The following FRMD3 variants were observed in gnomAD, a reference collection of about 807,000 sequenced individuals.
FRMD3 encodes FERM domain containing 3.
In FRMD3, 33 loss-of-function variants were observed where a neutral mutation model predicts 70.2. That is an observed-to-expected ratio of 0.47 (90% CI 0.36 to 0.63). FRMD3 has a LOEUF of 0.63. Ranked by LOEUF, FRMD3 falls within the 20% of genes least tolerant of loss-of-function variation. The pLI is 0.00. For synonymous variants in FRMD3, 279 were observed against 255.9 expected (o/e 1.09, Z -0.86); for missense variants, 632 against 711.4 (o/e 0.89, Z 1.27).
intron 13 of FRMD3, among the ~76,000 whole-genome samples, chr9:83,285,745 A>G (rs1441985245): frequency 6.6e-6 from 1 of 152,196 alleles, no homozygotes; most frequent in African/African-American, 2.4e-5. Context: ...AACCTGCTCC[A>G]TTTTGCTTGT....
In FRMD3 at chr9:83,343,245, G is replaced by A. The variant is rs369116502; in HGVS notation, c.417C>T (p.Gly139=). 93 of 1,613,822 alleles carry A rather than the reference G, an allele frequency of 5.8e-5. No individual in the cohort carries two copies. Among genetic ancestry groups the A allele is most frequent in the Middle Eastern group, 1.6e-4 (1 of 6,084 alleles). The change falls in exon 5 of 14, where the codon GGC becomes GGT. Residue 139 remains glycine, a synonymous_variant. Coordinates refer to ENST00000304195, the MANE Select transcript of FRMD3 (RefSeq NM_174938.6). Reference sequence around the variant, plus strand: ...CATCAGAAAAGGAGCACAGCAGGCGGCCATGAAAAATGTCCCTTTTAATCT... The same window carrying A: ...CATCAGAAAAGGAGCACAGCAGGCGACCATGAAAAATGTCCCTTTTAATCT... ...YLQIKRDIFH[G]RLLCSFSDAA... is the part of the protein sequence containing the mutation.
chr9:83,296,965 A>G (rs1834693625), intron 12 of FRMD3, among the ~76,000 whole-genome samples: 1 of 151,902 alleles, frequency 6.6e-6, no homozygotes, highest in African/African-American at 2.4e-5. Context: ...TCAGAATCTG[A>G]TTTTAACAGA....
At chr9:83,391,986 T>A (rs999606319) in intron 1 of FRMD3, among the ~76,000 whole-genome samples, 16 of 152,130 alleles carry the variant, frequency 1.1e-4, no homozygotes, top group African/African-American at 3.9e-4. Flanking sequence ...TTAATTCGCA[T>A]GCACATTGAA....
chr9:83,314,855 A>G (rs1835501690), intron 6 of FRMD3, among the ~76,000 whole-genome samples: 1 of 149,604 alleles, frequency 6.7e-6, no homozygotes, highest in South Asian at 2.1e-4. Flanking sequence ...TCTCTCTCCC[A>G]CTCTCTCTCT....
intron 1 of FRMD3, among the ~76,000 whole-genome samples, chr9:83,393,344 G>A (rs992823759): frequency 1.3e-5 from 2 of 152,158 alleles, no homozygotes; most frequent in Non-Finnish European, 2.9e-5. Context: ...CATGGACTAT[G>A]CCAGAACATG....
At chr9:83,341,805 C>T (rs1003835133) in intron 5 of FRMD3, among the ~76,000 whole-genome samples, 10 of 152,064 alleles carry the variant, frequency 6.6e-5, no homozygotes, top group African/African-American at 1.2e-4. Flanking sequence ...ACACCCATTT[C>T]GGAATTCTCA....
chr9:83,490,790 TCTCTCTCTCACA>T (rs1192043025), intron 1 of FRMD3, among the ~76,000 whole-genome samples: 66 of 122,304 alleles, frequency 5.4e-4, no homozygotes, highest in African/African-American at 2.3e-3. Context: ...TCTCTCTCTC[TCTCTCTCTCACA>T]CACACACACA....
intron 1 of FRMD3, among the ~76,000 whole-genome samples, chr9:83,461,323 T>C (rs920784916): frequency 2.0e-5 from 3 of 151,924 alleles, no homozygotes; most frequent in Non-Finnish European, 4.4e-5. Context: ...AGATAAGAGG[T>C]TCTCCCCTAG....
At chr9:83,340,654 T>A (rs1823723865) in intron 5 of FRMD3, among the ~76,000 whole-genome samples, 1 of 152,234 alleles carries the variant, frequency 6.6e-6, no homozygotes, top group African/African-American at 2.4e-5. Context: ...TCCCAAGGAT[T>A]CTGTGTTTGT....
At chr9:83,325,219 T>C (rs1047895481) in intron 6 of FRMD3, among the ~76,000 whole-genome samples, 2 of 152,242 alleles carry the variant, frequency 1.3e-5, no homozygotes, top group South Asian at 4.1e-4. Flanking sequence ...CAATGTACAC[T>C]ATTCCAGTGA....
rs1825020230 is a variant in FRMD3 at position 83,372,823 on chromosome 9, T to C, written c.295+90A>G. On this transcript the variant is annotated intron_variant, in intron 3 of 13. Coordinates refer to ENST00000304195, the MANE Select transcript of FRMD3 (RefSeq NM_174938.6). ...ACCCCCCAACACCTCTTCAACTCTATTATTCCCCTGGCAGGAGAAAGTTTG... is the reference window on the plus strand; with the variant it reads ...ACCCCCCAACACCTCTTCAACTCTACTATTCCCCTGGCAGGAGAAAGTTTG... 3 of 1,183,958 alleles carry C rather than the reference T, an allele frequency of 2.5e-6. No individual in the cohort carries two copies. In the Admixed American group the frequency reaches 5.1e-5, roughly 20 times the overall value. The allele number at this position is 1,183,958 out of a possible 1,614,324, so 73.3% of individuals were successfully genotyped here.
At chr9:83,415,315 C>T (rs1218798496) in intron 1 of FRMD3, among the ~76,000 whole-genome samples, 2 of 152,044 alleles carry the variant, frequency 1.3e-5, no homozygotes, top group Non-Finnish European at 2.9e-5. Flanking sequence ...TCTGGAGGAG[C>T]AAATGGAAGA....
the FRMD3 span, among the ~76,000 whole-genome samples, chr9:83,566,616 C>T: frequency 3.9e-5 from 6 of 152,136 alleles, no homozygotes; most frequent in African/African-American, 1.4e-4. Flanking sequence ...AATGGGGGTA[C>T]AGTATTGGGT....
At chr9:83,500,463 G>A (rs1446142167) in intron 1 of FRMD3, among the ~76,000 whole-genome samples, 2 of 150,510 alleles carry the variant, frequency 1.3e-5, no homozygotes, top group East Asian at 3.9e-4. Flanking sequence ...ACATATTTCA[G>A]GGCTATAAGC....
At chr9:83,543,207 C>T (rs568975608), upstream of FRMD3, among the ~76,000 whole-genome samples, 8 of 151,314 alleles carry the variant, frequency 5.3e-5, no homozygotes, top group Non-Finnish European at 7.4e-5. Flanking sequence ...GATTAAGAGA[C>T]GAGTGTGAAG....
chr9:83,287,845 G>A (rs865895266), intron 13 of FRMD3, among the ~76,000 whole-genome samples: 33 of 152,296 alleles, frequency 2.2e-4, no homozygotes, highest in African/African-American at 5.5e-4. Context: ...CTTTGTCATC[G>A]CCTCTGTGAT....
intron 4 of FRMD3, among the ~76,000 whole-genome samples, chr9:83,348,472 G>A (rs1197343664): frequency 6.6e-6 from 1 of 152,202 alleles, no homozygotes; most frequent in Non-Finnish European, 1.5e-5. Flanking sequence ...GGACTAGGGT[G>A]GAGAATAGGG....
At chr9:83,420,695 T>C (rs1826607701) in intron 1 of FRMD3, among the ~76,000 whole-genome samples, 1 of 152,180 alleles carries the variant, frequency 6.6e-6, no homozygotes, top group Admixed American at 6.5e-5. Flanking sequence ...GTCATGGGGA[T>C]AGATCCCTTG....
At chr9:83,293,865 C>A (rs1332471866) in intron 12 of FRMD3, among the ~76,000 whole-genome samples, 2 of 152,168 alleles carry the variant, frequency 1.3e-5, no homozygotes, top group Admixed American at 1.3e-4. Context: ...AACATTTCTT[C>A]CCTGATAAGT....
Sources: gnomAD v4.1 joint callset for allele counts (sites outside exome capture counted in the v4.1 genomes callset) on GRCh38, gnomAD v4.1.1 for gene constraint, MANE v1.5 for transcripts, NCBI Gene and HGNC (gene_info 2026-07-23, HGNC 2026-07-21) for gene names.